Variants in ISM1 observed in about 807,000 individuals in gnomAD.
The protein encoded by ISM1 is isthmin-1.
In ISM1, 25 loss-of-function variants were observed where a neutral mutation model predicts 46.3. The ratio of observed to expected loss-of-function variants is 0.54; its 90% CI spans 0.39 to 0.75. The LOEUF is 0.75. Among genes scored for constraint, ISM1 ranks in the 30% least tolerant of loss-of-function variants. ISM1 has a pLI of 0.00. For missense variants in ISM1, 536 were observed against 625.4 expected, an observed-to-expected ratio of 0.86 and a Z score of 1.52; for synonymous variants, 255 against 256.7, an observed-to-expected ratio of 0.99 and a Z score of 0.06.
intron 3 of ISM1, among the ~76,000 whole-genome samples, chr20:13,284,517 CT>C (rs1298297585): frequency 6.6e-6 from 1 of 152,208 alleles, no homozygotes; most frequent in East Asian, 1.9e-4. Flanking sequence ...GCAGTGGCCC[CT>C]GGTAGGTGAG....
chr20:13,278,243 C>T (rs1158999864), intron 2 of ISM1, among the ~76,000 whole-genome samples: 1 of 152,122 alleles, frequency 6.6e-6, no homozygotes, highest in Non-Finnish European at 1.5e-5. Flanking sequence ...ATTCTTCCAG[C>T]CCCGTGACAG....
intron 1 of ISM1, among the ~76,000 whole-genome samples, chr20:13,248,675 A>T (rs2068994777): frequency 6.6e-6 from 1 of 152,176 alleles, no homozygotes; most frequent in South Asian, 2.1e-4. Context: ...CGTCTCCTTC[A>T]TCCAAAACCC....
chr20:13,236,341 T>G lies in ISM1; in HGVS notation c.138+14427T>G, dbSNP rs140312412. On this transcript the variant is annotated intron_variant, in intron 1 of 5. Coordinates refer to ENST00000262487, the MANE Select transcript of ISM1 (RefSeq NM_080826.2). Reference sequence around the variant, plus strand: ...AACTAATGCTGGGATATTCATTGAGTTAGCATGGGAAAGACTGGCACCCAT... The same window carrying G: ...AACTAATGCTGGGATATTCATTGAGGTAGCATGGGAAAGACTGGCACCCAT... 2.2e-3 allele frequency among the ~76,000 whole-genome samples: 329 copies of G among 152,284 alleles called. 5 individuals are homozygous for G. The highest frequency in any genetic ancestry group is 0.01 in the Middle Eastern group (3 of 294).
chr20:13,232,009 T>C (rs2039593620), intron 1 of ISM1, among the ~76,000 whole-genome samples: 1 of 152,182 alleles, frequency 6.6e-6, no homozygotes, highest in Non-Finnish European at 1.5e-5. Flanking sequence ...TGCCCCAGTG[T>C]TAACTTCCTC....
intron 1 of ISM1, among the ~76,000 whole-genome samples, chr20:13,231,827 G>C (rs181404865): frequency 6.6e-6 from 1 of 152,148 alleles, no homozygotes; most frequent in African/African-American, 2.4e-5. Flanking sequence ...TTGCAGTTTT[G>C]AGTACCCCAA....
chr20:13,276,036 GA>G (rs2040175566), intron 2 of ISM1, among the ~76,000 whole-genome samples: 1 of 152,234 alleles, frequency 6.6e-6, no homozygotes, highest in African/African-American at 2.4e-5. Flanking sequence ...GGTGTGAGAA[GA>G]GGGAATTAGA....
chr20:13,221,721 C>A lies in ISM1; in HGVS notation c.-56C>A. 2 of 1,328,950 alleles carry A rather than the reference C, an allele frequency of 1.5e-6. No homozygotes were observed. The highest frequency in any genetic ancestry group is 3.5e-5 in the Admixed American group (1 of 28,250). 82.3% of individuals were successfully genotyped at this position (1,328,950 alleles called of 1,614,324 possible). A position where few individuals can be genotyped will look rare whatever the true frequency, so the allele number is the denominator to read the frequency against. The stretch of plus-strand genomic sequence containing the variant: ...GCTCCTACTCCTCCTCCCCCGGCGT[C>A]ACCGCCGCCGCCGCCGGCCGCCGCG... On this transcript the variant is annotated 5_prime_UTR_variant, in exon 1 of 6. Coordinates refer to ENST00000262487, the MANE Select transcript of ISM1 (RefSeq NM_080826.2).
the ISM1 span, among the ~76,000 whole-genome samples, chr20:13,319,699 G>A: frequency 2.6e-5 from 4 of 152,196 alleles, no homozygotes; most frequent in Non-Finnish European, 4.4e-5. Flanking sequence ...TTTGGCTACA[G>A]GAAAATGTTT....
chr20:13,222,236 C>T (rs969303653), intron 1 of ISM1, among the ~76,000 whole-genome samples: 3 of 152,028 alleles, frequency 2.0e-5, no homozygotes, highest in Non-Finnish European at 4.4e-5. Flanking sequence ...AATGTGCTTG[C>T]TTGGGGGTGC....
chr20:13,257,660 C>A (rs977060626), intron 1 of ISM1, among the ~76,000 whole-genome samples: 8 of 151,760 alleles, frequency 5.3e-5, no homozygotes, highest in African/African-American at 1.9e-4. Flanking sequence ...CATTACACTG[C>A]ACAAGTAAAG....
chr20:13,312,999 C>T, the ISM1 span, among the ~76,000 whole-genome samples: 1 of 152,090 alleles, frequency 6.6e-6, no homozygotes, highest in African/African-American at 2.4e-5. Flanking sequence ...AAATTTGAGC[C>T]TCATCTGCGC....
intron 1 of ISM1, among the ~76,000 whole-genome samples, chr20:13,257,895 G>C (rs911462722): frequency 5.3e-5 from 8 of 152,066 alleles, no homozygotes; most frequent in African/African-American, 1.9e-4. Context: ...AGACTCTCTT[G>C]TTCTAACCAG....
rs773565088 is a variant in ISM1 at position 13,299,017 on chromosome 20, A to G, written c.953A>G (p.Asp318Gly). 1 of 1,613,598 alleles carries G rather than the reference A, an allele frequency of 6.2e-7. No individual in the cohort carries two copies. Among genetic ancestry groups the G allele is most frequent in the South Asian group, 1.1e-5 (1 of 90,974 alleles). The change falls in exon 6 of 6, where the codon GAC becomes GGC. Residue 318 changes from aspartate to glycine, a missense_variant. Asp to Gly is a moderately conservative substitution (Grantham distance 94, BLOSUM62 -1). Around this residue, in one of 2 missense-constraint regions of ISM1, gnomAD observed 169 missense variants for 249.3 expected, o/e 0.68. Coordinates refer to ENST00000262487, the MANE Select transcript of ISM1 (RefSeq NM_080826.2). The surrounding 1 kb of genome is among the most constrained non-coding windows in gnomAD (Gnocchi z 5.8). ...AAGTACATGCACAAGGTGATGAATG[A>G]CCTGCCCAGCTGCCCCTGCTCCTAC... The part of the protein sequence containing the change: ...LKKYMHKVMN[D>G]LPSCPCSYPT...
At chr20:13,241,257 A>G (rs2039718895) in intron 1 of ISM1, among the ~76,000 whole-genome samples, 2 of 152,312 alleles carry the variant, frequency 1.3e-5, no homozygotes, top group South Asian at 4.2e-4. Flanking sequence ...GAAGGTGAGG[A>G]AATGGAGACA....
rs1445422922 is a variant in ISM1 at position 13,299,050 on chromosome 20, A to T, written c.986A>T (p.Glu329Val). The change falls in exon 6 of 6, where the codon GAG becomes GTG. Residue 329 changes from glutamate (E) to valine (V), a missense_variant. Physicochemically the swap from Glu to Val is moderately radical, Grantham distance 121. Transcript: ENST00000262487. This position sits in a 1 kb window ranked among gnomAD's most constrained non-coding sequence, Gnocchi z 5.8. ...AGCTGCCCCTGCTCCTACCCCACTG[A>T]GGTGGCCTACAGCACGGCCGACATC... The part of the protein sequence containing the change: ...LPSCPCSYPT[E>V]VAYSTADIFD... The T allele has an allele frequency of 6.2e-7, 1 of 1,613,670 alleles. No individual in the cohort carries two copies. Among genetic ancestry groups the T allele is most frequent in the Non-Finnish European group, 8.5e-7 (1 of 1,179,858 alleles).
intron 1 of ISM1, among the ~76,000 whole-genome samples, chr20:13,222,257 T>C (rs1207660967): frequency 6.6e-6 from 1 of 152,072 alleles, no homozygotes; most frequent in East Asian, 1.9e-4. Flanking sequence ...TACCAGTCTT[T>C]CGTTGCCCTT....
intron 1 of ISM1, among the ~76,000 whole-genome samples, chr20:13,223,307 CTT>C (rs1190262876): frequency 6.6e-6 from 1 of 152,028 alleles, no homozygotes; most frequent in African/African-American, 2.4e-5. Flanking sequence ...TTGCGAAAAA[CTT>C]TACCGTAAAG....
chr20:13,288,795 T>TG (rs2040321773), intron 4 of ISM1, 112 bp downstream of exon 4: 1 of 1,192,794 alleles, frequency 8.4e-7, no homozygotes, highest in African/African-American at 1.5e-5. Context: ...TCTTTTCTTT[T>TG]TTTTTTTGAG....
the ISM1 span, among the ~76,000 whole-genome samples, chr20:13,315,082 T>G: frequency 6.6e-6 from 1 of 151,836 alleles, no homozygotes; most frequent in Admixed American, 6.6e-5. Context: ...TCACATAAAA[T>G]GCTCAGTGAA....
Sources: gnomAD v4.1 joint callset for allele counts (sites outside exome capture counted in the v4.1 genomes callset) on GRCh38, gnomAD v4.1.1 for gene constraint, gnomAD v4.1.1 regional missense constraint, Gnocchi (gnomAD v3.1) non-coding constraint, MANE v1.5 for transcripts, NCBI Gene and HGNC (gene_info 2026-07-23, HGNC 2026-07-21) for gene names.